The following ZFHX3 variants were observed in gnomAD, a reference collection of about 807,000 sequenced individuals.
ZFHX3 encodes zinc finger homeobox 3, also known as zinc finger homeobox protein 3.
A neutral mutation model predicts 279.1 loss-of-function variants in ZFHX3; 42 were observed. The ratio of observed to expected loss-of-function variants is 0.15; its 90% CI spans 0.12 to 0.19. The LOEUF is 0.19. ZFHX3 is among the 10% of genes least tolerant of loss of function. The pLI, the probability that ZFHX3 is intolerant of heterozygous loss-of-function variation, is 1.00. For missense variants in ZFHX3, 4,981 were observed against 4,754.0 expected (o/e 1.05, Z -1.40); for synonymous variants, 2,293 against 1,957.8 (o/e 1.17, Z -4.52).
In ZFHX3 at chr16:72,974,728, G is replaced by C. The variant is rs530020459; in HGVS notation, c.-49-14534C>G. On this transcript the variant is annotated intron_variant, in intron 1 of 9. Coordinates refer to ENST00000268489, the MANE Select transcript of ZFHX3 (RefSeq NM_006885.4). ...AAGCAGTAATGGCCACTGTAAGGTA[G>C]AGACATTGGTAAAGGCATGAAAAGG... Among the ~76,000 whole-genome samples the C allele has an allele frequency of 1.1e-4, 17 of 152,334 alleles. 1 individual carries two copies. The East Asian group carries it at 3.1e-3, about 28-fold the overall frequency.
chr16:72,931,867 C>A (rs1286338423), intron 3 of ZFHX3, among the ~76,000 whole-genome samples: 1 of 152,210 alleles, frequency 6.6e-6, no homozygotes, highest in Non-Finnish European at 1.5e-5. Context: ...CACTTGCGTC[C>A]AGAAGCTGTT....
At chr16:73,879,700 G>C (rs1414660988) in intron 1 of ZFHX3, among the ~76,000 whole-genome samples, 1 of 152,106 alleles carries the variant, frequency 6.6e-6, no homozygotes, top group Non-Finnish European at 1.5e-5. Context: ...TCCATGTATA[G>C]GTATAAGTGT....
chr16:73,118,035 T>C (rs1966452327), intron 7 of ZFHX3, among the ~76,000 whole-genome samples: 1 of 152,076 alleles, frequency 6.6e-6, no homozygotes, highest in Non-Finnish European at 1.5e-5. Flanking sequence ...ACCCCCAAAA[T>C]CACACCAGAG....
intron 2 of ZFHX3, among the ~76,000 whole-genome samples, chr16:73,656,420 G>A (rs2052721601): frequency 6.6e-6 from 1 of 152,214 alleles, no homozygotes. Context: ...TACATATGTT[G>A]TAGAATTTTA....
chr16:72,932,421 CT>C (rs1213469160), intron 3 of ZFHX3, among the ~76,000 whole-genome samples: 1 of 151,916 alleles, frequency 6.6e-6, no homozygotes, highest in East Asian at 1.9e-4. Context: ...CACTAGATCA[CT>C]TTTTGCTCCA....
intron 1 of ZFHX3, among the ~76,000 whole-genome samples, chr16:73,018,176 G>A (rs1022410422): frequency 1.3e-5 from 2 of 151,352 alleles, no homozygotes; most frequent in East Asian, 3.9e-4. Flanking sequence ...TTTTTTTATA[G>A]AGACAGGGTC....
intron 2 of ZFHX3, among the ~76,000 whole-genome samples, chr16:73,555,496 C>T (rs1424703580): frequency 2.0e-5 from 3 of 151,916 alleles, no homozygotes; most frequent in Non-Finnish European, 4.4e-5. Flanking sequence ...CCTCCGCTTC[C>T]CTCCCCAGTG....
chr16:73,492,693 C>T (rs534822154), intron 2 of ZFHX3, among the ~76,000 whole-genome samples: 92 of 152,322 alleles, frequency 6.0e-4, no homozygotes, highest in Non-Finnish European at 9.3e-4. Flanking sequence ...AACCCTGGCA[C>T]GCATGGTTGC....
rs553524790 is a variant in ZFHX3 at position 73,883,030 on chromosome 16, T to A, written c.-1608+8621A>T. On this transcript the variant is annotated intron_variant, in intron 1 of 17. Transcript: ENST00000641206. Reference sequence around the variant, plus strand: ...GATTATTATTTTTAGTCAAGCTTTTTAAAAAAAAAAATAGTCTTTCACATC... The same window carrying A: ...GATTATTATTTTTAGTCAAGCTTTTAAAAAAAAAAAATAGTCTTTCACATC... Among the ~76,000 whole-genome samples the A allele has an allele frequency of 4.6e-4, 68 of 147,844 alleles. 1 individual carries two copies. The East Asian group carries it at 8.1e-3, about 18-fold the overall frequency.
chr16:72,959,257 A>G lies in ZFHX3; in HGVS notation c.889T>C (p.Phe297Leu). The G allele has an allele frequency of 6.2e-7, 1 of 1,614,196 alleles. No homozygotes were observed. The highest frequency in any genetic ancestry group is 8.5e-7 in the Non-Finnish European group (1 of 1,180,038). ...CKLSFGYVRSFVTHAVHDHRM... is the reference protein window; with the variant it reads ...CKLSFGYVRSLVTHAVHDHRM... ...TGGTCATGCACCGCGTGGGTCACAAACGAACGGACGTACCCAAAGGAGAGT... is the reference window on the plus strand; with the variant it reads ...TGGTCATGCACCGCGTGGGTCACAAGCGAACGGACGTACCCAAAGGAGAGT... Residue 297 changes from phenylalanine (F) to leucine (L), a missense_variant, in exon 2 of 10, where the codon TTT (phenylalanine) becomes CTT (leucine). By Grantham distance (22) the Phe-to-Leu change is conservative (BLOSUM62 0). Coordinates refer to ENST00000268489, the MANE Select transcript of ZFHX3 (RefSeq NM_006885.4).
chr16:73,590,911 GA>G (rs1018179857), intron 2 of ZFHX3, among the ~76,000 whole-genome samples: 3 of 150,530 alleles, frequency 2.0e-5, no homozygotes, highest in African/African-American at 4.9e-5. Context: ...TAATTTTTGG[GA>G]AAAAAAAATC....
chr16:73,769,756 C>A (rs2053996808), intron 1 of ZFHX3, among the ~76,000 whole-genome samples: 1 of 152,116 alleles, frequency 6.6e-6, no homozygotes, highest in Admixed American at 6.5e-5. Context: ...CCCAGTTATC[C>A]TACAAATGTA....
chr16:73,629,052 G>A (rs113946832), intron 2 of ZFHX3, among the ~76,000 whole-genome samples: 7 of 152,132 alleles, frequency 4.6e-5, no homozygotes, highest in Admixed American at 6.5e-5. Flanking sequence ...ATAAACCCCC[G>A]CCGGTGTGCC....
At chr16:73,765,617 A>C (rs1222578038) in intron 1 of ZFHX3, among the ~76,000 whole-genome samples, 1 of 152,216 alleles carries the variant, frequency 6.6e-6, no homozygotes, top group Non-Finnish European at 1.5e-5. Flanking sequence ...TTCAGTAGTG[A>C]CCAGAGTCAT....
At chr16:73,064,407 C>A (rs1965721293), upstream of ZFHX3, among the ~76,000 whole-genome samples, 1 of 152,094 alleles carries the variant, frequency 6.6e-6, no homozygotes, top group African/African-American at 2.4e-5. Flanking sequence ...AGCCCTGCCG[C>A]CCCTAACCCT....
chr16:73,274,865 A>C (rs1208956362), intron 4 of ZFHX3, among the ~76,000 whole-genome samples: 1 of 152,232 alleles, frequency 6.6e-6, no homozygotes. Flanking sequence ...GAATGCTATA[A>C]ATATTCTATA....
intron 1 of ZFHX3, among the ~76,000 whole-genome samples, chr16:73,699,956 G>C (rs1361786456): frequency 1.3e-5 from 2 of 152,182 alleles, no homozygotes; most frequent in East Asian, 3.8e-4. Context: ...GGGTGCAGTG[G>C]CTCATACCTG....
At chr16:73,739,206 T>A (rs150602759) in intron 1 of ZFHX3, among the ~76,000 whole-genome samples, 1 of 152,344 alleles carries the variant, frequency 6.6e-6, no homozygotes, top group Non-Finnish European at 1.5e-5. Flanking sequence ...CTGACTAGGC[T>A]CTGACAGATA....
intron 4 of ZFHX3, among the ~76,000 whole-genome samples, chr16:72,848,715 G>C (rs543634068): frequency 7.1e-6 from 1 of 140,166 alleles, no homozygotes; most frequent in African/African-American, 2.7e-5. Flanking sequence ...CTCCTGATCA[G>C]ATGCCCCCAG....
Sources: gnomAD v4.1 joint callset for allele counts (sites outside exome capture counted in the v4.1 genomes callset) on GRCh38, gnomAD v4.1.1 for gene constraint, MANE v1.5 for transcripts, NCBI Gene and HGNC (gene_info 2026-07-23, HGNC 2026-07-21) for gene names.